Variants in UGT1A9 observed in about 807,000 individuals in gnomAD.
UGT1A9 encodes the protein UDP glucuronosyltransferase family 1 member A9, also known as UDP-glucuronosyltransferase 1A9.
In UGT1A9, 35 loss-of-function variants were observed where a neutral mutation model predicts 45.0. The ratio of observed to expected loss-of-function variants is 0.78; its 90% CI spans 0.59 to 1.03. The LOEUF (loss-of-function observed/expected upper bound fraction) is 1.03, where lower values mean the gene tolerates loss of function less well. Among genes scored for constraint, UGT1A9 ranks in the 50% least tolerant of loss-of-function variants. UGT1A9 has a pLI of 0.00. For missense variants in UGT1A9, 687 were observed against 666.6 expected, an observed-to-expected ratio of 1.03 and a Z score of -0.34; for synonymous variants, 278 against 250.6, an observed-to-expected ratio of 1.11 and a Z score of -1.03.
chr2:233,755,163 G>A (rs183842611), intron 1 of UGT1A9: 2 of 1,285,674 alleles, frequency 1.6e-6, no homozygotes, highest in African/African-American at 1.6e-5. Flanking sequence ...CCTGTCCTCG[G>A]GGTTTTTGTC....
At chr2:233,682,075 G>A (rs1454288387) in intron 1 of UGT1A9, 3 of 1,614,128 alleles carry the variant, frequency 1.9e-6, no homozygotes, top group East Asian at 4.5e-5. Context: ...CGGTGGTGGA[G>A]AAACTCATCC....
intron 1 of UGT1A9, among the ~76,000 whole-genome samples, chr2:233,726,758 C>T (rs2125721651): frequency 6.6e-6 from 1 of 152,360 alleles, no homozygotes; most frequent in East Asian, 1.9e-4. Context: ...CTGCCTACCA[C>T]AGACACTAAG....
intron 1 of UGT1A9, among the ~76,000 whole-genome samples, chr2:233,717,106 AAACACCACTACATGGAAATAG>A (rs1002287058): frequency 5.9e-5 from 9 of 152,296 alleles, no homozygotes; most frequent in South Asian, 2.1e-4. Flanking sequence ...TATCTAAATA[AAACACCACTACATGGAAATAG>A]AACACCACTA....
rs1288789107 is a variant in UGT1A9 at position 233,724,474 on chromosome 2, CTT to C, written c.856-42559_856-42558del. Among the ~76,000 whole-genome samples the C allele has an allele frequency of 8.4e-4, 66 of 78,806 alleles. 2 individuals carry two copies. The highest frequency in any genetic ancestry group is 3.0e-3 in the African/African-American group (63 of 21,154). 51.7% of individuals were successfully genotyped at this position (78,806 alleles called of 152,430 possible). A position where few individuals can be genotyped will look rare whatever the true frequency, so the allele number is the denominator to read the frequency against. On this transcript the variant is annotated intron_variant, in intron 1 of 4. Transcript: ENST00000354728. ...AGCTGCCGGGCGGAGGGGCTCCTCA[CTT>C]CTCAGACGGGGCGGCCGGGCAGAGA...
At chr2:233,757,245 G>C (rs113985508) in intron 1 of UGT1A9, among the ~76,000 whole-genome samples, 3 of 149,596 alleles carry the variant, frequency 2.0e-5, no homozygotes, top group African/African-American at 7.4e-5. Context: ...GTGGTGAGGT[G>C]GGGTTATTCA....
At chr2:233,768,767 A>G (rs1699720630) in intron 4 of UGT1A9, among the ~76,000 whole-genome samples, 1 of 151,722 alleles carries the variant, frequency 6.6e-6, no homozygotes, top group South Asian at 2.1e-4. Context: ...ATTTTTTAGT[A>G]GAGAAAGGGT....
chr2:233,681,969 C>A, intron 1 of UGT1A9: 1 of 1,614,088 alleles, frequency 6.2e-7, no homozygotes, highest in South Asian at 1.1e-5. Flanking sequence ...GGCCTCCTTC[C>A]CCTATATGTG....
At chr2:233,749,153 G>A (rs530115797) in intron 1 of UGT1A9, among the ~76,000 whole-genome samples, 14 of 151,714 alleles carry the variant, frequency 9.2e-5, no homozygotes, top group Non-Finnish European at 1.3e-4. Flanking sequence ...TCCATGACTT[G>A]ATCCTTTTGT....
At chr2:233,747,007 G>A (rs1207556963) in intron 1 of UGT1A9, among the ~76,000 whole-genome samples, 1 of 151,856 alleles carries the variant, frequency 6.6e-6, no homozygotes, top group Non-Finnish European at 1.5e-5. Context: ...TTTCAAGTAG[G>A]AGTGATCGGT....
Position 233,769,784 on chromosome 2 carries a change from G to A in UGT1A9, c.1295+1345G>A. 3 of 1,312,290 alleles carry A rather than the reference G, an allele frequency of 2.3e-6. No individual in the cohort carries two copies. The highest frequency in any genetic ancestry group is 3.0e-6 in the Non-Finnish European group (3 of 1,000,230). 81.3% of individuals were successfully genotyped at this position (1,312,290 alleles called of 1,614,324 possible). The stretch of plus-strand genomic sequence containing the variant: ...GCGGGAGGATTGCTTGAGCCCAGAA[G>A]TTGGAGGCTGCTATGAGCCGTGATC... On this transcript the variant is annotated intron_variant, in intron 4 of 4. Coordinates refer to ENST00000354728, the MANE Select transcript of UGT1A9 (RefSeq NM_021027.3). This position sits in a 1 kb window ranked among gnomAD's most constrained non-coding sequence, Gnocchi z 4.4.
intron 1 of UGT1A9, among the ~76,000 whole-genome samples, chr2:233,756,540 G>A (rs1404409517): frequency 2.0e-5 from 3 of 152,048 alleles, no homozygotes; most frequent in African/African-American, 7.2e-5. Flanking sequence ...TTTCTTGACT[G>A]CTAAAACAAC....
intron 1 of UGT1A9, chr2:233,690,498 A>G: frequency 7.8e-7 from 1 of 1,289,738 alleles, no homozygotes; most frequent in Non-Finnish European, 1.0e-6. Flanking sequence ...GCTCTTGCCA[A>G]CAGAGATTTG....
At chr2:233,747,199 G>C in intron 1 of UGT1A9, 1 of 1,604,214 alleles carries the variant, frequency 6.2e-7, no homozygotes, top group African/African-American at 1.3e-5. Context: ...TCAGCTGTCC[G>C]TGTCTTCTGC....
intron 1 of UGT1A9, chr2:233,747,939 G>A (rs1693817235): frequency 2.5e-6 from 4 of 1,613,396 alleles, no homozygotes; most frequent in Non-Finnish European, 3.4e-6. Flanking sequence ...TCAGAGGGAG[G>A]TGTCAGTGGT....
At chr2:233,748,150 A>T (rs1362576918) in intron 1 of UGT1A9, 1 of 1,604,682 alleles carries the variant, frequency 6.2e-7, no homozygotes, top group East Asian at 2.2e-5. Context: ...TTTACTTACA[A>T]TTGCTTCCAT....
At chr2:233,686,989 C>T (rs2074816060) in intron 1 of UGT1A9, among the ~76,000 whole-genome samples, 1 of 152,178 alleles carries the variant, frequency 6.6e-6, no homozygotes, top group Admixed American at 6.5e-5. Context: ...TACCCCAAGT[C>T]TTGGTTTCAA....
chr2:233,724,284 G>A (rs1369103408), intron 1 of UGT1A9, among the ~76,000 whole-genome samples: 103 of 126,932 alleles, frequency 8.1e-4, no homozygotes, highest in Middle Eastern at 4.7e-3. Context: ...GGCCGGGCGG[G>A]GGGCTGACCC....
chr2:233,772,831 T>A lies in UGT1A9; in HGVS notation c.*272T>A. ...AGAGGACGTGCAGACAGGCTGGCATTCTAGATTACTTTTCTTACTCTGAAA... is the reference window on the plus strand; with the variant it reads ...AGAGGACGTGCAGACAGGCTGGCATACTAGATTACTTTTCTTACTCTGAAA... On this transcript the variant is annotated 3_prime_UTR_variant, in exon 5 of 5. Coordinates refer to ENST00000354728, the MANE Select transcript of UGT1A9 (RefSeq NM_021027.3). 1 of 893,950 alleles carries A rather than the reference T, an allele frequency of 1.1e-6. No individual in the cohort carries two copies. The highest frequency in any genetic ancestry group is 1.6e-6 in the Non-Finnish European group (1 of 642,656). The allele number at this position is 893,950 out of a possible 1,614,324, so 55.4% of individuals were successfully genotyped here. A position where few individuals can be genotyped will look rare whatever the true frequency, so the allele number is the denominator to read the frequency against.
chr2:233,681,069 C>A (rs528405571), intron 1 of UGT1A9, among the ~76,000 whole-genome samples: 19 of 151,872 alleles, frequency 1.3e-4, no homozygotes, highest in African/African-American at 4.3e-4. Context: ...ACCTGTGTCA[C>A]AATTGTGGCT....
Sources: gnomAD v4.1 joint callset for allele counts (sites outside exome capture counted in the v4.1 genomes callset) on GRCh38, gnomAD v4.1.1 for gene constraint, Gnocchi (gnomAD v3.1) non-coding constraint, MANE v1.5 for transcripts, NCBI Gene and HGNC (gene_info 2026-07-23, HGNC 2026-07-21) for gene names.